The following NUP214 variants were observed in gnomAD, a reference collection of about 807,000 sequenced individuals.
The protein encoded by NUP214 is nucleoporin 214.
Under a neutral mutation model 196.2 loss-of-function variants are expected in NUP214, and 79 were observed. That is an observed-to-expected ratio of 0.40 (90% CI 0.34 to 0.49). The LOEUF is 0.49. Ranked by LOEUF, NUP214 falls within the 20% of genes least tolerant of loss-of-function variation. The pLI is 0.58. For synonymous variants in NUP214, 1,020 were observed against 990.5 expected (o/e 1.03, Z -0.56); for missense variants, 2,468 against 2,539.0 (o/e 0.97, Z 0.60).
chr9:131,191,044 G>A (rs2131030028), intron 26 of NUP214: 1 of 151,366 alleles, frequency 6.6e-6, no homozygotes, highest in East Asian at 1.9e-4. Context: ...AAAAATATTT[G>A]TACTGCCATC....
intron 27 of NUP214, among the ~76,000 whole-genome samples, chr9:131,193,629 C>CTTTTTT (rs71389402): frequency 0.035 from 989 of 28,182 alleles, 280 homozygotes; most frequent in Non-Finnish European, 0.04. Context: ...TCTTCCTTTT[C>CTTTTTT]TTTTTTTTTT....
Position 131,130,663 on chromosome 9 carries a change from T to C in NUP214, c.593-103T>C, listed in dbSNP as rs527609264. The C allele has an allele frequency of 1.9e-5, 21 of 1,083,016 alleles. No individual in the cohort carries two copies. The African/African-American group carries it at 2.8e-4, about 14-fold the overall frequency. The allele number at this position is 1,083,016 out of a possible 1,614,324, so 67.1% of individuals were successfully genotyped here. ...ATAGAGATGATCCTACAATCTTCCATGGACTGACAGAGGAATGAGAATTGA... is the reference window on the plus strand; with the variant it reads ...ATAGAGATGATCCTACAATCTTCCACGGACTGACAGAGGAATGAGAATTGA... On this transcript the variant is annotated intron_variant, in intron 4 of 35. Transcript: ENST00000359428.
At chr9:131,155,744 C>T (rs1192271949) in intron 17 of NUP214, among the ~76,000 whole-genome samples, 1 of 152,140 alleles carries the variant, frequency 6.6e-6, no homozygotes, top group Non-Finnish European at 1.5e-5. Context: ...GTGTCCTTCC[C>T]CCACTTTATG....
chr9:131,166,173 C>A (rs1378651853), intron 21 of NUP214, among the ~76,000 whole-genome samples: 1 of 152,118 alleles, frequency 6.6e-6, no homozygotes, highest in Non-Finnish European at 1.5e-5. Flanking sequence ...AAATCTTAAC[C>A]TTTTCCTCTG....
intron 19 of NUP214, 191 bp downstream of exon 19, chr9:131,163,364 G>A (rs1460768269): frequency 7.1e-6 from 4 of 563,816 alleles, no homozygotes; most frequent in Admixed American, 3.6e-5. Flanking sequence ...TACCTGCTTC[G>A]TGGGATTGTT....
At chr9:131,226,994 G>A (rs1192264685) in intron 32 of NUP214, among the ~76,000 whole-genome samples, 1 of 152,156 alleles carries the variant, frequency 6.6e-6, no homozygotes, top group Non-Finnish European at 1.5e-5. Context: ...CATTACTCCC[G>A]CTAGCACGCA....
chr9:131,143,250 C>G (rs149935232), intron 11 of NUP214, among the ~76,000 whole-genome samples: 33 of 152,286 alleles, frequency 2.2e-4, no homozygotes, highest in African/African-American at 7.7e-4. Flanking sequence ...CTCAAAGGGT[C>G]CTCCTGCTTT....
intron 32 of NUP214, among the ~76,000 whole-genome samples, chr9:131,224,737 C>G (rs1471269222): frequency 6.6e-6 from 1 of 152,174 alleles, no homozygotes; most frequent in Non-Finnish European, 1.5e-5. Flanking sequence ...ACAGAATATT[C>G]TGAAATGGGC....
At chr9:131,187,150 T>G (rs192216436) in intron 24 of NUP214, 139 bp from the exon 25 acceptor site, 3 of 634,624 alleles carry the variant, frequency 4.7e-6, no homozygotes, top group Non-Finnish European at 8.3e-6. Flanking sequence ...AAATGTCAAA[T>G]CAGTTGTATT....
intron 31 of NUP214, among the ~76,000 whole-genome samples, chr9:131,220,158 A>G: frequency 6.6e-6 from 1 of 152,204 alleles, no homozygotes; most frequent in East Asian, 1.9e-4. Flanking sequence ...ATGCAAAGAC[A>G]AACTTGTTTT....
intron 21 of NUP214, among the ~76,000 whole-genome samples, chr9:131,171,554 T>C (rs1390531718): frequency 6.6e-6 from 1 of 151,646 alleles, no homozygotes; most frequent in Non-Finnish European, 1.5e-5. Flanking sequence ...TTTCTTTTTT[T>C]TTTTTTTTTT....
intron 10 of NUP214, 104 bp from the exon 11 acceptor site, chr9:131,140,445 G>A: frequency 1.1e-6 from 1 of 907,336 alleles, no homozygotes; most frequent in East Asian, 2.4e-5. Context: ...CTGCTATTCA[G>A]ATGAGTCCCT....
intron 33 of NUP214, chr9:131,230,317 T>C: frequency 6.7e-6 from 2 of 300,206 alleles, no homozygotes; most frequent in Non-Finnish European, 1.3e-5. Context: ...TTAAGGATTG[T>C]TGGAGGTAGA....
intron 4 of NUP214, among the ~76,000 whole-genome samples, chr9:131,130,163 A>T (rs1286440754): frequency 8.4e-4 from 5 of 5,918 alleles, no homozygotes; most frequent in Non-Finnish European, 9.2e-4. Context: ...TTTTTTTTTG[A>T]GACAGAGTCT....
At chr9:131,217,907 C>A (rs1834448193) in intron 31 of NUP214, among the ~76,000 whole-genome samples, 1 of 152,208 alleles carries the variant, frequency 6.6e-6, no homozygotes, top group African/African-American at 2.4e-5. Context: ...CACATCTTCC[C>A]AGTTGTTCAT....
chr9:131,159,528 T>A (rs1832563500), intron 18 of NUP214, 42 bp downstream of exon 18: 1 of 1,445,546 alleles, frequency 6.9e-7, no homozygotes, highest in East Asian at 2.3e-5. Context: ...GAATAGATAT[T>A]GCTATTGCCA....
intron 27 of NUP214, among the ~76,000 whole-genome samples, chr9:131,194,923 A>G (rs1279104910): frequency 6.6e-6 from 1 of 152,056 alleles, no homozygotes. Flanking sequence ...ATGTGTCTCT[A>G]CTGCTGCAGC....
chr9:131,218,437 ACT>A (rs762534264), intron 31 of NUP214, among the ~76,000 whole-genome samples: 23 of 151,912 alleles, frequency 1.5e-4, no homozygotes, highest in Admixed American at 4.6e-4. Context: ...TCCTTAATTG[ACT>A]CTGCATCATT....
At chr9:131,218,155 A>G (rs565487411) in intron 31 of NUP214, among the ~76,000 whole-genome samples, 1 of 152,372 alleles carries the variant, frequency 6.6e-6, no homozygotes, top group East Asian at 1.9e-4. Flanking sequence ...TGCCTAAGGG[A>G]AGTTTAAGTG....
Sources: gnomAD v4.1 joint callset for allele counts (sites outside exome capture counted in the v4.1 genomes callset) on GRCh38, gnomAD v4.1.1 for gene constraint, MANE v1.5 for transcripts, NCBI Gene and HGNC (gene_info 2026-07-23, HGNC 2026-07-21) for gene names.